The following LRRIQ3 variants were observed in gnomAD, a reference collection of about 807,000 sequenced individuals.
The protein encoded by LRRIQ3 is leucine rich repeats and IQ motif containing 3.
Under a neutral mutation model 59.3 loss-of-function variants are expected in LRRIQ3, and 75 were observed. The observed-to-expected ratio is 1.26, with a 90% CI of 1.05 to 1.53. LRRIQ3 has a LOEUF of 1.53. Ranked by LOEUF, LRRIQ3 falls within the 40% of genes most tolerant of loss-of-function variation. The pLI is 0.00. For missense variants in LRRIQ3, 831 were observed against 710.0 expected, an observed-to-expected ratio of 1.17 and a Z score of -1.94; for synonymous variants, 250 against 231.3, an observed-to-expected ratio of 1.08 and a Z score of -0.73.
intron 3 of LRRIQ3, among the ~76,000 whole-genome samples, chr1:74,167,484 C>T (rs1167761581): frequency 6.6e-6 from 1 of 151,272 alleles, no homozygotes. Context: ...ATGTAACAAA[C>T]CTGCACATCC....
At chr1:74,168,413 T>A (rs1649124458) in intron 3 of LRRIQ3, among the ~76,000 whole-genome samples, 2 of 152,096 alleles carry the variant, frequency 1.3e-5, no homozygotes, top group South Asian at 4.1e-4. Flanking sequence ...ATCCTACTTT[T>A]AACTAATTTT....
chr1:74,053,104 G>C (rs1007676181), intron 6 of LRRIQ3, among the ~76,000 whole-genome samples: 1 of 135,168 alleles, frequency 7.4e-6, no homozygotes, highest in Admixed American at 8.2e-5. Context: ...TTTAACAAAA[G>C]AGCAAAGGCA....
chr1:74,060,261 T>C (rs12737026), intron 6 of LRRIQ3, among the ~76,000 whole-genome samples: 1 of 144,576 alleles, frequency 6.9e-6, no homozygotes, highest in Non-Finnish European at 1.5e-5. Context: ...CTTCTTCCTC[T>C]TCCTCTTCTT....
In LRRIQ3 at chr1:74,041,389, C is replaced by A; in HGVS notation, c.1542G>T (p.Glu514Asp). 6.2e-7 allele frequency: 1 copy of A among 1,613,838 alleles called. No individual in the cohort carries two copies. Among genetic ancestry groups the A allele is most frequent in the South Asian group, 1.1e-5 (1 of 91,060 alleles). ...FLKEKSQKASERLLVQNLNNE... is the reference protein window; with the variant it reads ...FLKEKSQKASDRLLVQNLNNE... Reference sequence around the variant, plus strand: ...TATTTAAGTTTTGAACTAATAAACGCTCTGAAGCCTTTTGGGATTTTTCTT... The same window carrying A: ...TATTTAAGTTTTGAACTAATAAACGATCTGAAGCCTTTTGGGATTTTTCTT... Residue 514 changes from glutamate (E) to aspartate (D), a missense_variant, in exon 7 of 8, where the codon GAG becomes GAT. Glu to Asp is a conservative substitution (Grantham distance 45). Transcript: ENST00000354431.
At chr1:74,183,048 G>C (rs1208293019) in intron 2 of LRRIQ3, 187 bp from the exon 3 acceptor site, 3 of 393,202 alleles carry the variant, frequency 7.6e-6, no homozygotes, top group Non-Finnish European at 1.3e-5. Flanking sequence ...CTGGGTATCT[G>C]AGATAATTTA....
chr1:74,154,126 A>G (rs1282495399), intron 4 of LRRIQ3, among the ~76,000 whole-genome samples: 1 of 151,576 alleles, frequency 6.6e-6, no homozygotes, highest in African/African-American at 2.4e-5. Flanking sequence ...CTGTAGTCCC[A>G]GCTACTGGGG....
chr1:74,109,449 TC>T lies in LRRIQ3; in HGVS notation c.811del (p.Asp271IlefsTer10). Reference protein sequence around the residue: ...TKGYEDKLLKDLFFKPETNIK... With the variant: ...TKGYEDKLLKXLFFKPETNIK... ...ATTAGTTTCAGGTTTGAAAAAGAGATCCTTAAGGAGCTTATCTTCATACCCT... is the reference window on the plus strand; with the variant it reads ...ATTAGTTTCAGGTTTGAAAAAGAGATCTTAAGGAGCTTATCTTCATACCCT... On this transcript the variant is annotated frameshift_variant, in exon 5 of 8. Coordinates refer to ENST00000354431, the MANE Select transcript of LRRIQ3 (RefSeq NM_001105659.2). LOFTEE classifies it high-confidence loss of function. 1 of 1,573,972 alleles carries T rather than the reference TC, an allele frequency of 6.4e-7. No homozygotes were observed.
At chr1:74,143,419 T>C (rs1002527355) in intron 4 of LRRIQ3, among the ~76,000 whole-genome samples, 1 of 151,994 alleles carries the variant, frequency 6.6e-6, no homozygotes, top group African/African-American at 2.4e-5. Context: ...GCCTTGAATC[T>C]GTACTTTGTC....
chr1:74,188,954 A>T (rs993994260), intron 1 of LRRIQ3, among the ~76,000 whole-genome samples: 3 of 152,174 alleles, frequency 2.0e-5, no homozygotes, highest in Non-Finnish European at 4.4e-5. Flanking sequence ...GTAGTGTAAC[A>T]AATCACTCCA....
At chr1:74,123,951 G>A (rs930847827) in intron 4 of LRRIQ3, among the ~76,000 whole-genome samples, 2 of 151,804 alleles carry the variant, frequency 1.3e-5, no homozygotes, top group Non-Finnish European at 2.9e-5. Flanking sequence ...ATACTACAGA[G>A]ATATAGTAAC....
At chr1:74,068,008 G>A (rs942373527) in intron 6 of LRRIQ3, among the ~76,000 whole-genome samples, 6 of 152,052 alleles carry the variant, frequency 3.9e-5, no homozygotes, top group East Asian at 1.9e-4. Flanking sequence ...TCAATATTCC[G>A]TCTTCCAGCT....
At chr1:74,113,148 T>A (rs72670721) in intron 4 of LRRIQ3, among the ~76,000 whole-genome samples, 69 of 151,230 alleles carry the variant, frequency 4.6e-4, no homozygotes, top group Non-Finnish European at 6.5e-4. Context: ...AAAAATAATT[T>A]AAAAAAAACC....
intron 4 of LRRIQ3, among the ~76,000 whole-genome samples, chr1:74,154,237 TCTCAAAAAAAAAAAAAAA>T (rs1648171814): frequency 2.2e-5 from 1 of 44,570 alleles, no homozygotes; most frequent in Non-Finnish European, 3.7e-5. Context: ...CGAGACTCCT[TCTCAAAAAAAAAAAAAAA>T]AAAAAAAAAA....
At chr1:74,104,094 T>C (rs748429456) in intron 5 of LRRIQ3, among the ~76,000 whole-genome samples, 7 of 151,974 alleles carry the variant, frequency 4.6e-5, no homozygotes, top group African/African-American at 4.8e-5. Context: ...TATACATAGA[T>C]GGTAAGTAAG....
chr1:74,187,179 A>T (rs1434828617), intron 1 of LRRIQ3, among the ~76,000 whole-genome samples: 2 of 152,194 alleles, frequency 1.3e-5, no homozygotes, highest in Non-Finnish European at 2.9e-5. Flanking sequence ...ACTACTGGGT[A>T]TCTATCCAAA....
chr1:74,031,027 T>G (rs58905053), intron 7 of LRRIQ3, among the ~76,000 whole-genome samples: 2,460 of 152,164 alleles, frequency 0.016, 63 homozygotes, highest in African/African-American at 0.055. Flanking sequence ...ATCATCACTG[T>G]CCATCAGAGA....
chr1:74,183,543 A>G lies in LRRIQ3; in HGVS notation c.142T>C (p.Ser48Pro). 1.2e-6 allele frequency: 2 copies of G among 1,612,274 alleles called. No homozygotes were observed. The highest frequency in any genetic ancestry group is 2.2e-5 in the South Asian group (2 of 90,980). The change falls in exon 2 of 8, where the codon TCT becomes CCT. Residue 48 changes from serine (S) to proline (P), a missense_variant. Physicochemically the swap from Ser to Pro is moderately conservative, Grantham distance 74 (BLOSUM62 -1). Transcript: ENST00000354431. The stretch of plus-strand genomic sequence containing the variant: ...ATGCATACTCTAAGAGAGATGCAAG[A>G]CTGCAAATTTTCCATAGACTTTAAA... Reference protein sequence around the residue: ...LHLKSMENLQSCISLRVCIFS... With the variant: ...LHLKSMENLQPCISLRVCIFS...
At chr1:74,060,209 CTTCTTCTTCTTGTTCTTCT>C (rs1654670999) in intron 6 of LRRIQ3, among the ~76,000 whole-genome samples, 1 of 43,166 alleles carries the variant, frequency 2.3e-5, no homozygotes, top group Admixed American at 2.9e-4. Flanking sequence ...TCTTCTTCTT[CTTCTTCTTCTTGTTCTTCT>C]TCTTCTTCTT....
chr1:74,197,432 T>G (rs1223364387), intron 1 of LRRIQ3, among the ~76,000 whole-genome samples: 1 of 152,172 alleles, frequency 6.6e-6, no homozygotes, highest in Non-Finnish European at 1.5e-5. Context: ...GATGAAGTGG[T>G]CTGTAAAACC....
Sources: allele counts gnomAD v4.1 joint callset (sites outside exome capture counted in the v4.1 genomes callset), GRCh38; gene constraint gnomAD v4.1.1; transcripts MANE v1.5; gene names NCBI Gene and HGNC (gene_info 2026-07-23, HGNC 2026-07-21).